COL23A1: variants seen among roughly 807,000 people sequenced by gnomAD.
The protein encoded by COL23A1 is collagen type XXIII alpha 1 chain.
Under a neutral mutation model 99.3 loss-of-function variants are expected in COL23A1, and 97 were observed. That is an observed-to-expected ratio of 0.98 (90% CI 0.83 to 1.16). COL23A1 has a LOEUF of 1.16. Ranked by LOEUF, COL23A1 falls within the 50% of genes most tolerant of loss-of-function variation. The pLI, the probability that COL23A1 is intolerant of heterozygous loss-of-function variation, is 0.00. For synonymous variants in COL23A1, 320 were observed against 308.2 expected (o/e 1.04, Z -0.40); for missense variants, 762 against 757.4 (o/e 1.01, Z -0.07).
chr5:178,526,415 C>T (rs1377123752), intron 2 of COL23A1, among the ~76,000 whole-genome samples: 1 of 152,164 alleles, frequency 6.6e-6, no homozygotes, highest in Non-Finnish European at 1.5e-5. Context: ...TGCTGGCATG[C>T]TGAGCGAGAA....
chr5:178,564,296 G>A (rs751853979), intron 1 of COL23A1, among the ~76,000 whole-genome samples: 4 of 151,824 alleles, frequency 2.6e-5, no homozygotes, highest in East Asian at 3.9e-4. Flanking sequence ...TTTCTCTCCC[G>A]GACCCCACCT....
intron 2 of COL23A1, among the ~76,000 whole-genome samples, chr5:178,358,113 GTA>G (rs1246215116): frequency 2.5e-4 from 37 of 150,146 alleles, no homozygotes; most frequent in African/African-American, 8.3e-4. Context: ...GTGTGTATGT[GTA>G]TGTGTACGTG....
intron 13 of COL23A1, 98 bp downstream of exon 13, chr5:178,257,425 C>T (rs1765367061): frequency 7.1e-7 from 1 of 1,403,806 alleles, no homozygotes; most frequent in Non-Finnish European, 9.9e-7. Context: ...GGCCTAGGAA[C>T]CCGTGGTGCC....
Position 178,238,600 on chromosome 5 carries a change from C to A in COL23A1, c.*98G>T. The stretch of plus-strand genomic sequence containing the variant: ...TTGAATGTTAAAAGGCCACAGGTAG[C>A]GCATTCCATGAAAAAAGATCAATAT... On this transcript the variant is annotated 3_prime_UTR_variant, in exon 29 of 29. Transcript: ENST00000390654. 6.8e-7 allele frequency: 1 copy of A among 1,475,888 alleles called. No individual in the cohort carries two copies. The highest frequency in any genetic ancestry group is 9.4e-7 in the Non-Finnish European group (1 of 1,058,636). The allele number at this position is 1,475,888 out of a possible 1,614,324, so 91.4% of individuals were successfully genotyped here.
chr5:178,363,059 A>G (rs1333773893), intron 2 of COL23A1, among the ~76,000 whole-genome samples: 1 of 144,252 alleles, frequency 6.9e-6, no homozygotes, highest in African/African-American at 2.5e-5. Context: ...TCCCACAGCA[A>G]CCCCACATAT....
chr5:178,327,825 G>T (rs892826639), intron 2 of COL23A1, among the ~76,000 whole-genome samples: 2 of 152,070 alleles, frequency 1.3e-5, no homozygotes, highest in East Asian at 3.9e-4. Flanking sequence ...TTGGGGTCAG[G>T]ACTCTCCCTG....
intron 2 of COL23A1, among the ~76,000 whole-genome samples, chr5:178,380,734 G>T (rs1419788435): frequency 6.6e-6 from 1 of 152,198 alleles, no homozygotes; most frequent in Non-Finnish European, 1.5e-5. Flanking sequence ...CACGTCCGGG[G>T]CCAATGTCGG....
At chr5:178,485,346 G>T (rs1376568885) in intron 2 of COL23A1, among the ~76,000 whole-genome samples, 2 of 151,952 alleles carry the variant, frequency 1.3e-5, no homozygotes, top group East Asian at 3.9e-4. Flanking sequence ...GTGGTGGTGT[G>T]TGCCTGTAGT....
At chr5:178,272,789 C>T (rs762624491) in intron 5 of COL23A1, among the ~76,000 whole-genome samples, 11 of 152,108 alleles carry the variant, frequency 7.2e-5, no homozygotes, top group Non-Finnish European at 1.3e-4. Flanking sequence ...CTCAAGGTCG[C>T]GTCCCACTAG....
chr5:178,458,028 G>T (rs1188942357), intron 2 of COL23A1, among the ~76,000 whole-genome samples: 1 of 152,122 alleles, frequency 6.6e-6, no homozygotes, highest in African/African-American at 2.4e-5. Flanking sequence ...GGTCAGTCTG[G>T]ACCATCTTGT....
chr5:178,551,768 G>C (rs899753682), intron 2 of COL23A1, among the ~76,000 whole-genome samples: 1 of 152,130 alleles, frequency 6.6e-6, no homozygotes, highest in Non-Finnish European at 1.5e-5. Flanking sequence ...CCCCCTCAGG[G>C]GCCCCTCTGT....
chr5:178,448,444 T>C (rs1052980809), intron 2 of COL23A1, among the ~76,000 whole-genome samples: 1 of 151,750 alleles, frequency 6.6e-6, no homozygotes, highest in Non-Finnish European at 1.5e-5. Flanking sequence ...CTAGTCGCAG[T>C]CCGTTTTGTT....
chr5:178,358,449 ATATG>A (rs1162427535), intron 2 of COL23A1, among the ~76,000 whole-genome samples: 1 of 135,132 alleles, frequency 7.4e-6, no homozygotes, highest in Non-Finnish European at 1.6e-5. Context: ...GTATGTGTGT[ATATG>A]TATGCGTATG....
At chr5:178,548,861 TTAAA>T (rs1184065430) in intron 2 of COL23A1, among the ~76,000 whole-genome samples, 2 of 152,164 alleles carry the variant, frequency 1.3e-5, no homozygotes, top group Admixed American at 6.5e-5. Context: ...CAACAAAAAC[TTAAA>T]TAAAAATAAA....
rs1763004029 is a variant in COL23A1, at chr5:178,569,881, C to T, written c.295-9133G>A. Among the ~76,000 whole-genome samples the T allele has an allele frequency of 2.0e-5, 3 of 152,194 alleles. 1 individual carries two copies. The highest frequency in any genetic ancestry group is 2.0e-4 in the Admixed American group (3 of 15,280). On this transcript the variant is annotated intron_variant, in intron 1 of 28. Transcript: ENST00000390654. ...CCTGACTTCAGGAGGGTCCTCATCC[C>T]TTCCAAGGGCTCACTTGGTTAAGTC... is the stretch of plus-strand genomic sequence containing the variant.
chr5:178,276,352 G>A (rs1264868196), intron 5 of COL23A1, among the ~76,000 whole-genome samples: 2 of 152,210 alleles, frequency 1.3e-5, no homozygotes, highest in Non-Finnish European at 2.9e-5. Context: ...TTGCTTTCTG[G>A]CTGTAATTAA....
chr5:178,403,801 A>G (rs1157378880), intron 2 of COL23A1, among the ~76,000 whole-genome samples: 23 of 152,262 alleles, frequency 1.5e-4, no homozygotes. Context: ...AGAAAAGAAC[A>G]AATGCTTTTA....
intron 2 of COL23A1, among the ~76,000 whole-genome samples, chr5:178,361,598 C>G (rs561961964): frequency 1.3e-5 from 2 of 152,204 alleles, no homozygotes; most frequent in East Asian, 1.9e-4. Context: ...CCATCATACA[C>G]CCCCCTACAG....
chr5:178,256,227 A>T, intron 15 of COL23A1, 126 bp downstream of exon 15: 1 of 604,002 alleles, frequency 1.7e-6, no homozygotes, highest in Non-Finnish European at 2.6e-6. Flanking sequence ...GAGTTTAAAA[A>T]GTAAAATACT....
Sources: allele counts gnomAD v4.1 joint callset (sites outside exome capture counted in the v4.1 genomes callset), GRCh38; gene constraint gnomAD v4.1.1; transcripts MANE v1.5; gene names NCBI Gene and HGNC (gene_info 2026-07-23, HGNC 2026-07-21).